Variants in SESTD1 observed in about 807,000 individuals in gnomAD.
The protein encoded by SESTD1 is SEC14 domain and spectrin repeat-containing protein 1.
A neutral mutation model predicts 101.7 loss-of-function variants in SESTD1; 43 were observed. The ratio of observed to expected loss-of-function variants is 0.42; its 90% CI spans 0.33 to 0.55. The LOEUF (loss-of-function observed/expected upper bound fraction) is 0.55, where lower values mean the gene tolerates loss of function less well. Among genes scored for constraint, SESTD1 ranks in the 20% least tolerant of loss-of-function variants. The pLI, the probability that SESTD1 is intolerant of heterozygous loss-of-function variation, is 0.07. For missense variants in SESTD1, 647 were observed against 815.1 expected, an observed-to-expected ratio of 0.79 and a Z score of 2.51; for synonymous variants, 283 against 286.8, an observed-to-expected ratio of 0.99 and a Z score of 0.13.
chr2:179,227,185 T>A (rs937446004), intron 1 of SESTD1, among the ~76,000 whole-genome samples: 4 of 152,234 alleles, frequency 2.6e-5, no homozygotes, highest in African/African-American at 9.6e-5. Flanking sequence ...GTTTTCATTA[T>A]CTATATTTCA....
At chr2:179,232,153 TA>T (rs1171892963) in intron 1 of SESTD1, among the ~76,000 whole-genome samples, 1 of 152,058 alleles carries the variant, frequency 6.6e-6, no homozygotes, top group African/African-American at 2.4e-5. Context: ...GAAGTAGTAA[TA>T]ATGCAAACAC....
intron 7 of SESTD1, among the ~76,000 whole-genome samples, chr2:179,146,914 TG>T (rs2045408638): frequency 1.4e-5 from 2 of 145,932 alleles, no homozygotes; most frequent in African/African-American, 5.4e-5. Flanking sequence ...GGTGTGTGTG[TG>T]TGTGTGTGTG....
rs531425321 is a variant in SESTD1 at position 179,204,973 on chromosome 2, T to C, written c.-25-13107A>G. Among the ~76,000 whole-genome samples, 4 of 135,086 alleles carry C rather than the reference T, an allele frequency of 3.0e-5. 1 individual carries two copies. The highest frequency in any genetic ancestry group is 5.8e-5 in the African/African-American group (2 of 34,324). The allele number at this position is 135,086 out of a possible 152,430, so 88.6% of individuals were successfully genotyped here. On this transcript the variant is annotated intron_variant, in intron 1 of 17. Transcript: ENST00000428443. ...TGGCTTCCTAACCAGATTTTCCTTA[T>C]GGTATATGAGCAGAGACAAATTCTC... is the stretch of plus-strand genomic sequence containing the variant.
intron 9 of SESTD1, among the ~76,000 whole-genome samples, chr2:179,137,915 T>C (rs971679325): frequency 1.3e-5 from 2 of 152,166 alleles, no homozygotes; most frequent in African/African-American, 4.8e-5. Flanking sequence ...AGACTGAAAA[T>C]AGTATGATTT....
intron 1 of SESTD1, among the ~76,000 whole-genome samples, chr2:179,254,442 C>T (rs1299130453): frequency 6.6e-6 from 1 of 152,150 alleles, no homozygotes; most frequent in East Asian, 1.9e-4. Context: ...CACATCTCTC[C>T]CTGCAAAACC....
At chr2:179,153,742 C>T (rs973019492) in intron 5 of SESTD1, among the ~76,000 whole-genome samples, 1 of 151,754 alleles carries the variant, frequency 6.6e-6, no homozygotes, top group Non-Finnish European at 1.5e-5. Context: ...AACATCTTAC[C>T]CAGACATCAA....
intron 1 of SESTD1, among the ~76,000 whole-genome samples, chr2:179,234,352 T>C (rs2047030472): frequency 6.6e-6 from 1 of 152,202 alleles, no homozygotes; most frequent in Non-Finnish European, 1.5e-5. Context: ...CTCAGTAACA[T>C]GAGTGCCCAG....
chr2:179,236,816 A>T (rs929691987), intron 1 of SESTD1, among the ~76,000 whole-genome samples: 1 of 150,416 alleles, frequency 6.6e-6, no homozygotes, highest in African/African-American at 2.4e-5. Context: ...TGTGGTTCAC[A>T]GGCTTTACAA....
intron 10 of SESTD1, among the ~76,000 whole-genome samples, chr2:179,127,226 C>T (rs1326856087): frequency 1.3e-5 from 2 of 152,194 alleles, no homozygotes; most frequent in Non-Finnish European, 2.9e-5. Context: ...GGTGTTTCTA[C>T]TGCTGTGTCC....
At chr2:179,223,969 T>G (rs945542639) in intron 1 of SESTD1, among the ~76,000 whole-genome samples, 1 of 152,326 alleles carries the variant, frequency 6.6e-6, no homozygotes, top group African/African-American at 2.4e-5. Context: ...AAGGTTAAAT[T>G]TATTCCTTTC....
At position 179,104,317 on chromosome 2, in the gene SESTD1, G is replaced by T. The variant is rs534317011; in HGVS notation, c.*5582C>A. On this transcript the variant is annotated 3_prime_UTR_variant, in exon 18 of 18. Coordinates refer to ENST00000428443, the MANE Select transcript of SESTD1 (RefSeq NM_178123.5). Reference sequence around the variant, plus strand: ...CAAAATACAATACATATATTTTGATGATATATTCTGAGCAAATCTGTTGGC... The same window carrying T: ...CAAAATACAATACATATATTTTGATTATATATTCTGAGCAAATCTGTTGGC... 1 of 152,214 alleles carries T rather than the reference G, an allele frequency of 6.6e-6. No homozygotes were observed. Among genetic ancestry groups the T allele is most frequent in the South Asian group, 2.1e-4 (1 of 4,820 alleles). 9.4% of individuals were successfully genotyped at this position (152,214 alleles called of 1,614,324 possible).
Position 179,144,154 on chromosome 2 carries a change from G to A in SESTD1, c.638-351C>T, listed in dbSNP as rs1368437595. On this transcript the variant is annotated intron_variant, in intron 8 of 17. Transcript: ENST00000428443. ...TATCAATCACATTTTTGTTATTGGTGAATTCATTACTCAGGATACTGTGCC... is the reference window on the plus strand; with the variant it reads ...TATCAATCACATTTTTGTTATTGGTAAATTCATTACTCAGGATACTGTGCC... 2.0e-5 allele frequency among the ~76,000 whole-genome samples: 3 copies of A among 151,660 alleles called. No homozygotes were observed. The East Asian group carries it at 5.8e-4, about 29-fold the overall frequency.
chr2:179,244,542 T>C lies in SESTD1; in HGVS notation c.-26+19957A>G, dbSNP rs2047203370. On this transcript the variant is annotated intron_variant, in intron 1 of 17. Coordinates refer to ENST00000428443, the MANE Select transcript of SESTD1 (RefSeq NM_178123.5). ...TTTTTCAAGTGATGAAGCAAGACTA[T>C]CAACCCAGAATCCTCTACTCAGTAA... is the stretch of plus-strand genomic sequence containing the variant. 2.0e-5 allele frequency among the ~76,000 whole-genome samples: 3 copies of C among 150,550 alleles called. No individual in the cohort carries two copies. In the South Asian group the frequency reaches 6.3e-4, roughly 31 times the overall value.
chr2:179,252,645 T>C (rs959666950), intron 1 of SESTD1, among the ~76,000 whole-genome samples: 6 of 152,162 alleles, frequency 3.9e-5, no homozygotes, highest in Admixed American at 2.0e-4. Flanking sequence ...ATTTTTACCT[T>C]TTGGTTTGAC....
At chr2:179,225,690 A>G (rs183159856) in intron 1 of SESTD1, among the ~76,000 whole-genome samples, 15 of 152,262 alleles carry the variant, frequency 9.9e-5, no homozygotes, top group African/African-American at 2.9e-4. Flanking sequence ...CACATTGCAG[A>G]AAGATGGGAG....
chr2:179,195,420 C>T (rs1013458403), intron 1 of SESTD1, among the ~76,000 whole-genome samples: 1 of 152,216 alleles, frequency 6.6e-6, no homozygotes, highest in Non-Finnish European at 1.5e-5. Flanking sequence ...GAGGTCTCCC[C>T]AGCCATGCAG....
intron 1 of SESTD1, among the ~76,000 whole-genome samples, chr2:179,200,214 G>C (rs1038309473): frequency 6.6e-6 from 1 of 151,974 alleles, no homozygotes; most frequent in Non-Finnish European, 1.5e-5. Flanking sequence ...CAACTTACAA[G>C]GGATGTGAAG....
At chr2:179,113,029 T>TAAGA (rs1229587913) in intron 16 of SESTD1, among the ~76,000 whole-genome samples, 184 bp from the exon 17 acceptor site, 1 of 152,168 alleles carries the variant, frequency 6.6e-6, no homozygotes, top group Non-Finnish European at 1.5e-5. Flanking sequence ...TACCACTATA[T>TAAGA]AAGATTGATC....
At chr2:179,188,027 C>T (rs142693664) in intron 2 of SESTD1, among the ~76,000 whole-genome samples, 37 of 152,216 alleles carry the variant, frequency 2.4e-4, no homozygotes, top group African/African-American at 7.0e-4. Flanking sequence ...GACAGATCAT[C>T]GGGGAGAAAA....
Sources: allele counts gnomAD v4.1 joint callset (sites outside exome capture counted in the v4.1 genomes callset), GRCh38; gene constraint gnomAD v4.1.1; transcripts MANE v1.5; gene names NCBI Gene and HGNC (gene_info 2026-07-23, HGNC 2026-07-21).